BRPF1: variants seen among roughly 807,000 people sequenced by gnomAD.
BRPF1 encodes the protein peregrin.
In BRPF1, 15 loss-of-function variants were observed where a neutral mutation model predicts 115.0. That is an observed-to-expected ratio of 0.13 (90% CI 0.09 to 0.20). The LOEUF (loss-of-function observed/expected upper bound fraction) is 0.20. Ranked by LOEUF, BRPF1 falls within the 10% of genes least tolerant of loss-of-function variation. The pLI is 1.00. For synonymous variants in BRPF1, 647 were observed against 619.8 expected (o/e 1.04, Z -0.65); for missense variants, 1,118 against 1,638.3 (o/e 0.68, Z 5.48).
Position 9,743,175 on chromosome 3 carries a change from A to T in BRPF1, c.2233A>T (p.Met745Leu). ...LRQARRQAEK[M>L]GIDFETGMHI... Reference sequence around the variant, plus strand: ...CCAGGCCCGGCGCCAGGCAGAAAAAATGGGCATTGACTTTGAGACGGGCAT... The same window carrying T: ...CCAGGCCCGGCGCCAGGCAGAAAAATTGGGCATTGACTTTGAGACGGGCAT... The change falls in exon 7 of 14, where the codon ATG becomes TTG. Residue 745 changes from methionine to leucine, a missense_variant. By Grantham distance (15) the Met-to-Leu change is conservative (BLOSUM62 2). Coordinates refer to ENST00000383829, the MANE Select transcript of BRPF1 (RefSeq NM_001003694.2). The surrounding 1 kb of genome is among the most constrained non-coding windows in gnomAD (Gnocchi z 6.1). 1 of 1,614,222 alleles carries T rather than the reference A, an allele frequency of 6.2e-7. No homozygotes were observed. Among genetic ancestry groups the T allele is most frequent in the Non-Finnish European group, 8.5e-7 (1 of 1,180,040 alleles).
Position 9,743,281 on chromosome 3 carries a change from A to G in BRPF1, c.2311+28A>G, listed in dbSNP as rs1559664570. On this transcript the variant is annotated intron_variant, in intron 7 of 13. Transcript: ENST00000383829. This position sits in a 1 kb window ranked among gnomAD's most constrained non-coding sequence, Gnocchi z 6.1. ...GGGTGATATATCACACACACATATAAGAGGCCAATGCCGGGGATGGACAGC... is the reference window on the plus strand; with the variant it reads ...GGGTGATATATCACACACACATATAGGAGGCCAATGCCGGGGATGGACAGC... 1 of 1,594,510 alleles carries G rather than the reference A, an allele frequency of 6.3e-7. No homozygotes were observed. Among genetic ancestry groups the G allele is most frequent in the Non-Finnish European group, 8.6e-7 (1 of 1,167,872 alleles).
chr3:9,734,463 A>G lies in BRPF1; in HGVS notation c.323A>G (p.His108Arg). 1 of 1,614,128 alleles carries G rather than the reference A, an allele frequency of 6.2e-7. No homozygotes were observed. The highest frequency in any genetic ancestry group is 2.2e-5 in the East Asian group (1 of 44,874). Residue 108 changes from histidine (H) to arginine (R), a missense_variant, in exon 2 of 14, where the codon CAC becomes CGC. Coordinates refer to ENST00000383829, the MANE Select transcript of BRPF1 (RefSeq NM_001003694.2). The surrounding 1 kb of genome is among the most constrained non-coding windows in gnomAD (Gnocchi z 5.7). ...GAGGTGGACTTGCATGGCCGCGTCCACCGCATCAGCATCTTTGACAACCTG... is the reference window on the plus strand; with the variant it reads ...GAGGTGGACTTGCATGGCCGCGTCCGCCGCATCAGCATCTTTGACAACCTG... ...MVEVDLHGRV[H>R]RISIFDNLDV...
chr3:9,737,727 A>G (rs1040781384), intron 2 of BRPF1, among the ~76,000 whole-genome samples: 4 of 152,234 alleles, frequency 2.6e-5, no homozygotes, highest in African/African-American at 4.8e-5. Flanking sequence ...GTGGTCACAC[A>G]TGACTTAGTG....
At chr3:9,742,638 G>T (rs2077050613) in intron 6 of BRPF1, 1 of 791,616 alleles carries the variant, frequency 1.3e-6, no homozygotes, top group South Asian at 5.7e-5. Context: ...TTTCAGAGGA[G>T]TCCCCAAGCC....
At position 9,745,264 on chromosome 3, in the gene BRPF1, T is replaced by G; in HGVS notation, c.3068+109T>G. The G allele has an allele frequency of 1.1e-5, 14 of 1,320,634 alleles. No individual in the cohort carries two copies. The highest frequency in any genetic ancestry group is 1.3e-5 in the Non-Finnish European group (13 of 976,062). 81.8% of individuals were successfully genotyped at this position (1,320,634 alleles called of 1,614,324 possible). ...GGGGTGGCAGCCATCTCAGTCTAGATTAAGATGGCTCAAACTCAAGGTTCT... is the reference window on the plus strand; with the variant it reads ...GGGGTGGCAGCCATCTCAGTCTAGAGTAAGATGGCTCAAACTCAAGGTTCT... On this transcript the variant is annotated intron_variant, in intron 10 of 13. Coordinates refer to ENST00000383829, the MANE Select transcript of BRPF1 (RefSeq NM_001003694.2). This position sits in a 1 kb window ranked among gnomAD's most constrained non-coding sequence, Gnocchi z 5.1.
chr3:9,744,029 C>T, intron 8 of BRPF1, 128 bp downstream of exon 8: 2 of 1,315,302 alleles, frequency 1.5e-6, no homozygotes, highest in Non-Finnish European at 2.1e-6. Flanking sequence ...CTCCCTCATT[C>T]CCCAATCAGG....
At chr3:9,735,943 A>C (rs2076932219) in intron 2 of BRPF1, among the ~76,000 whole-genome samples, 1 of 152,196 alleles carries the variant, frequency 6.6e-6, no homozygotes, top group Admixed American at 6.5e-5. Context: ...ATTTGTCATA[A>C]AAGCTTTTAT....
intron 5 of BRPF1, among the ~76,000 whole-genome samples, chr3:9,741,736 G>C (rs141858822): frequency 1.6e-3 from 247 of 152,244 alleles, no homozygotes; most frequent in African/African-American, 5.5e-3. Flanking sequence ...CCTGGTGCTC[G>C]GTGTGCTTTT....
At position 9,734,789 on chromosome 3, in the gene BRPF1, C is replaced by G; in HGVS notation, c.599+50C>G. On this transcript the variant is annotated intron_variant, in intron 2 of 13. Coordinates refer to ENST00000383829, the MANE Select transcript of BRPF1 (RefSeq NM_001003694.2). This position sits in a 1 kb window ranked among gnomAD's most constrained non-coding sequence, Gnocchi z 5.7. ...TCTGGAAAACTGGTCAAGCAGGGCT[C>G]ACTAGCCAGAGAGAGGTGAGAGGCA... The G allele has an allele frequency of 1.9e-6, 3 of 1,593,244 alleles. No homozygotes were observed. The highest frequency in any genetic ancestry group is 2.6e-6 in the Non-Finnish European group (3 of 1,164,676).
At chr3:9,746,596 A>G in intron 13 of BRPF1, 142 bp downstream of exon 13, 1 of 1,042,872 alleles carries the variant, frequency 9.6e-7, no homozygotes, top group Non-Finnish European at 1.3e-6. Context: ...CAGTTTTTTG[A>G]GCGAAAGGGT....
rs377491523 is a variant in BRPF1, at chr3:9,747,373, A to G, written c.*24A>G. On this transcript the variant is annotated 3_prime_UTR_variant, in exon 14 of 14. Transcript: ENST00000383829. The surrounding 1 kb of genome is among the most constrained non-coding windows in gnomAD (Gnocchi z 5.6). ...GATACTGCTCAACACAGCCCAACCT[A>G]TAGTGCCCTGTGACTTCTCTCCTCC... The G allele has an allele frequency of 8.1e-6, 13 of 1,605,218 alleles. No homozygotes were observed. The African/African-American group carries it at 1.2e-4, about 15-fold the overall frequency.
intron 3 of BRPF1, 108 bp downstream of exon 3, chr3:9,740,066 C>A: frequency 7.0e-7 from 1 of 1,430,634 alleles, no homozygotes; most frequent in Admixed American, 2.9e-5. Flanking sequence ...TTCCCAGGAG[C>A]TGCATAGAAG....
At position 9,746,295 on chromosome 3, in the gene BRPF1, C is replaced by G; in HGVS notation, c.3325-5C>G. 1 of 1,552,652 alleles carries G rather than the reference C, an allele frequency of 6.4e-7. No homozygotes were observed. The highest frequency in any genetic ancestry group is 1.2e-5 in the South Asian group (1 of 84,002). On this transcript the variant is annotated splice_region_variant and splice_polypyrimidine_tract_variant and intron_variant, in intron 12 of 13. Coordinates refer to ENST00000383829, the MANE Select transcript of BRPF1 (RefSeq NM_001003694.2). ...AACCAAACTGGGCTCTTATTATATCCTCAGATCATTGATCCAAAGATGCCC... is the reference window on the plus strand; with the variant it reads ...AACCAAACTGGGCTCTTATTATATCGTCAGATCATTGATCCAAAGATGCCC...
At position 9,744,080 on chromosome 3, in the gene BRPF1, A is replaced by G. The variant is rs544723773; in HGVS notation, c.2636-144A>G. 389 of 1,288,866 alleles carry G rather than the reference A, an allele frequency of 3.0e-4. 3 individuals carry two copies. In the South Asian group the frequency reaches 5.8e-3, roughly 19 times the overall value. The allele number at this position is 1,288,866 out of a possible 1,614,324, so 79.8% of individuals were successfully genotyped here. On this transcript the variant is annotated intron_variant, in intron 8 of 13. Coordinates refer to ENST00000383829, the MANE Select transcript of BRPF1 (RefSeq NM_001003694.2). ...TCTCTGGCTATTTGTATAAGAGTTA[A>G]TCTTCCAAATTCCAAGCCCCTAAAA...
chr3:9,741,602 A>G (rs1279154478), intron 5 of BRPF1, among the ~76,000 whole-genome samples, 163 bp downstream of exon 5: 1 of 143,278 alleles, frequency 7.0e-6, no homozygotes, highest in African/African-American at 2.6e-5. Context: ...GTGCCACTGT[A>G]CTCCAGCCTG....
At position 9,734,660 on chromosome 3, in the gene BRPF1, C is replaced by T; in HGVS notation, c.520C>T (p.Pro174Ser). The change falls in exon 2 of 14, where the codon CCC (proline) becomes TCC (serine). Residue 174 changes from proline (P) to serine (S), a missense_variant. Pro to Ser is a moderately conservative substitution (Grantham distance 74). Coordinates refer to ENST00000383829, the MANE Select transcript of BRPF1 (RefSeq NM_001003694.2). This position sits in a 1 kb window ranked among gnomAD's most constrained non-coding sequence, Gnocchi z 5.7. ...HHHNVSASTT[P>S]KLPEVVYREL... is the part of the protein sequence containing the mutation. ...CCACAATGTTTCTGCGAGCACCACT[C>T]CCAAGCTGCCAGAGGTGGTCTATCG... is the stretch of plus-strand genomic sequence containing the variant. The T allele has an allele frequency of 6.2e-7, 1 of 1,614,168 alleles. No homozygotes were observed. Among genetic ancestry groups the T allele is most frequent in the Non-Finnish European group, 8.5e-7 (1 of 1,180,040 alleles).
intron 2 of BRPF1, among the ~76,000 whole-genome samples, chr3:9,736,026 T>A (rs1292990744): frequency 2.8e-5 from 1 of 35,542 alleles, no homozygotes; most frequent in Non-Finnish European, 6.0e-5. Flanking sequence ...TTTTTTTTTT[T>A]TTTGAGACGG....
intron 2 of BRPF1, among the ~76,000 whole-genome samples, chr3:9,736,781 A>T (rs746568747): frequency 6.6e-6 from 1 of 152,202 alleles, no homozygotes; most frequent in Non-Finnish European, 1.5e-5. Context: ...CTTTTTATAT[A>T]AATTGAGAAG....
chr3:9,742,898 T>C lies in BRPF1; in HGVS notation c.2002-46T>C, dbSNP rs530727426. The C allele has an allele frequency of 1.9e-6, 3 of 1,581,610 alleles. No homozygotes were observed. In the East Asian group the frequency reaches 6.7e-5, roughly 35 times the overall value. On this transcript the variant is annotated intron_variant, in intron 6 of 13. Transcript: ENST00000383829. Reference sequence around the variant, plus strand: ...TTGTTAGGAGCAGGGTTCGGGGCAATAAGGAGGATATCTCCACTTAAAACA... The same window carrying C: ...TTGTTAGGAGCAGGGTTCGGGGCAACAAGGAGGATATCTCCACTTAAAACA...
Sources: allele counts gnomAD v4.1 joint callset (sites outside exome capture counted in the v4.1 genomes callset), GRCh38; gene constraint gnomAD v4.1.1; non-coding constraint Gnocchi (gnomAD v3.1); transcripts MANE v1.5; gene names NCBI Gene and HGNC (gene_info 2026-07-23, HGNC 2026-07-21).